RNF14: variants seen among roughly 807,000 people sequenced by gnomAD.
RNF14 encodes ring finger protein 14.
Under a neutral mutation model 52.6 loss-of-function variants are expected in RNF14, and 26 were observed. That is an observed-to-expected ratio of 0.49 (90% CI 0.36 to 0.69). The LOEUF (loss-of-function observed/expected upper bound fraction) is 0.69, where lower values mean the gene tolerates loss of function less well. RNF14 is among the 30% of genes least tolerant of loss of function. RNF14 has a pLI of 0.00. For synonymous variants in RNF14, 194 were observed against 202.0 expected, an observed-to-expected ratio of 0.96 and a Z score of 0.34; for missense variants, 404 against 560.4, an observed-to-expected ratio of 0.72 and a Z score of 2.82.
At chr5:141,964,745 C>T (rs1286450605), upstream of RNF14, among the ~76,000 whole-genome samples, 1 of 151,168 alleles carries the variant, frequency 6.6e-6, no homozygotes, top group East Asian at 1.9e-4. Context: ...TCCCGAGTAG[C>T]TGGGATTACA....
the RNF14 span, among the ~76,000 whole-genome samples, chr5:141,950,207 C>A: frequency 6.6e-6 from 1 of 152,186 alleles, no homozygotes; most frequent in African/African-American, 2.4e-5. Context: ...CTGCTACCTG[C>A]ACCCCAGTCT....
Sources: gnomAD v4.1 joint callset for allele counts (sites outside exome capture counted in the v4.1 genomes callset) on GRCh38, gnomAD v4.1.1 for gene constraint, MANE v1.5 for transcripts, NCBI Gene and HGNC (gene_info 2026-07-23, HGNC 2026-07-21) for gene names.